Variants in BRCA2 observed in about 807,000 individuals in gnomAD.
BRCA2 encodes the protein BRCA2 DNA repair associated, also known as breast cancer type 2 susceptibility protein.
In BRCA2, 203 loss-of-function variants were observed where a neutral mutation model predicts 276.7. That is an observed-to-expected ratio of 0.73 (90% confidence interval 0.65 to 0.82). BRCA2 has a LOEUF of 0.82. Ranked by LOEUF, BRCA2 falls within the 40% of genes least tolerant of loss-of-function variation. The pLI is 0.00. For missense variants in BRCA2, 3,920 were observed against 3,915.0 expected (o/e 1.00, Z -0.03); for synonymous variants, 1,289 against 1,338.4 (o/e 0.96, Z 0.81).
At position 32,370,940 on chromosome 13, in the gene BRCA2, T is replaced by C. The variant is rs769557049; in HGVS notation, c.8488-16T>C. On this transcript the variant is annotated splice_polypyrimidine_tract_variant and intron_variant, in intron 19 of 26. Coordinates refer to ENST00000380152, the MANE Select transcript of BRCA2 (RefSeq NM_000059.4). Reference sequence around the variant, plus strand: ...ATATATGTGACTTTTTTGGTGTGTGTAACACATTATTACAGTGGATGGAGA... The same window carrying C: ...ATATATGTGACTTTTTTGGTGTGTGCAACACATTATTACAGTGGATGGAGA... 6.2e-7 allele frequency: 1 copy of C among 1,613,852 alleles called. No homozygotes were observed. Among genetic ancestry groups the C allele is most frequent in the African/African-American group, 1.3e-5 (1 of 74,916 alleles).
intron 24 of BRCA2, among the ~76,000 whole-genome samples, chr13:32,387,352 A>G (rs1403894177): frequency 6.6e-6 from 1 of 152,212 alleles, no homozygotes; most frequent in Admixed American, 6.5e-5. Context: ...TAACCTAGGA[A>G]TAACTGGCGG....
At chr13:32,344,727 C>T (rs971938860) in intron 12 of BRCA2, 74 bp downstream of exon 12, 3 of 1,034,936 alleles carry the variant, frequency 2.9e-6, no homozygotes, top group Non-Finnish European at 4.4e-6. Context: ...CTCAGGTGAT[C>T]CACCTGCCTC....
chr13:32,391,669 T>G (rs1467772697), intron 24 of BRCA2, among the ~76,000 whole-genome samples: 2 of 152,364 alleles, frequency 1.3e-5, no homozygotes, highest in East Asian at 3.9e-4. Context: ...ATTAAAAGCT[T>G]TGAAGAATTC....
chr13:32,337,866 C>G lies in BRCA2; in HGVS notation c.3511C>G (p.Pro1171Ala), dbSNP rs2137497389. 1 of 1,613,992 alleles carries G rather than the reference C, an allele frequency of 6.2e-7. No individual in the cohort carries two copies. The highest frequency in any genetic ancestry group is 8.5e-7 in the Non-Finnish European group (1 of 1,179,956). Residue 1171 changes from proline (P) to alanine (A), a missense_variant, in exon 11 of 27, where the codon CCA becomes GCA. Physicochemically the swap from Pro to Ala is conservative, Grantham distance 27. Coordinates refer to ENST00000380152, the MANE Select transcript of BRCA2 (RefSeq NM_000059.4). ...TGATCTTCATGTCATAATGAATGCC[C>G]CATCGATTGGTCAGGTAGACAGCAG... ...DADLHVIMNA[P>A]SIGQVDSSKQ...
chr13:32,340,010 C>T lies in BRCA2; in HGVS notation c.5655C>T (p.Cys1885=), dbSNP rs80358789. 8 of 1,612,522 alleles carry T rather than the reference C, an allele frequency of 5.0e-6. No homozygotes were observed. In the South Asian group the frequency reaches 7.7e-5, roughly 16 times the overall value. Residue 1885 remains cysteine (C), a synonymous_variant, in exon 11 of 27, where the codon TGC becomes TGT. Coordinates refer to ENST00000380152, the MANE Select transcript of BRCA2 (RefSeq NM_000059.4). ...ACAACGAGAATAAATCAAAAATTTG[C>T]CAAACGAAAATTATGGCAGGTTGTT... The part of the protein sequence containing the change: ...KENNENKSKI[C]QTKIMAGCYE...
chr13:32,372,411 A>G (rs1418839481), intron 20 of BRCA2, among the ~76,000 whole-genome samples: 2 of 152,226 alleles, frequency 1.3e-5, no homozygotes, highest in African/African-American at 4.8e-5. Context: ...ACAGTTCCAC[A>G]TGGCTGAGGA....
At chr13:32,319,921 A>G (rs1406475026) in intron 3 of BRCA2, among the ~76,000 whole-genome samples, 1 of 152,218 alleles carries the variant, frequency 6.6e-6, no homozygotes, top group Non-Finnish European at 1.5e-5. Flanking sequence ...AGAAAAATAT[A>G]AAAAAGTATA....
At chr13:32,396,806 CTT>C in intron 25 of BRCA2, 90 bp from the exon 26 acceptor site, 1 of 1,529,396 alleles carries the variant, frequency 6.5e-7, no homozygotes, top group South Asian at 1.1e-5. Context: ...TTGGTCCAAA[CTT>C]TTCATTTCTG....
chr13:32,378,014 A>G (rs767413213), intron 21 of BRCA2, among the ~76,000 whole-genome samples: 28 of 152,252 alleles, frequency 1.8e-4, no homozygotes, highest in Non-Finnish European at 3.2e-4. Flanking sequence ...GTCCGGTTTT[A>G]AAACCTGTGA....
rs276174863 is a variant in BRCA2, at chr13:32,340,084, A to T, written c.5729A>T (p.Asn1910Ile). The change falls in exon 11 of 27, where the codon AAT becomes ATT. Residue 1910 changes from asparagine (N) to isoleucine (I), a missense_variant. Transcript: ENST00000380152. ...GATATTCTTCATAACTCTCTAGATA[A>T]TGATGAATGTAGCACGCATTCACAT... is the stretch of plus-strand genomic sequence containing the variant. The part of the protein sequence containing the change: ...SEDILHNSLD[N>I]DECSTHSHKV... The T allele has an allele frequency of 5.0e-6, 8 of 1,613,844 alleles. No individual in the cohort carries two copies. In the Admixed American group the frequency reaches 5.0e-5, roughly 10 times the overall value.
chr13:32,332,080 T>G (rs2072395547), intron 9 of BRCA2, among the ~76,000 whole-genome samples, 192 bp from the exon 10 acceptor site: 1 of 152,096 alleles, frequency 6.6e-6, no homozygotes, highest in South Asian at 2.1e-4. Context: ...GAATCAGGCT[T>G]TACTAGAAGA....
At chr13:32,346,754 T>C (rs2072613203) in intron 12 of BRCA2, 73 bp from the exon 13 acceptor site, 1 of 1,228,800 alleles carries the variant, frequency 8.1e-7, no homozygotes, top group East Asian at 2.5e-5. Flanking sequence ...CTCAAATTTT[T>C]TGTGTATTTA....
At chr13:32,381,270 T>C (rs2072922856) in intron 24 of BRCA2, among the ~76,000 whole-genome samples, 1 of 152,144 alleles carries the variant, frequency 6.6e-6, no homozygotes. Context: ...CCTACCCTCA[T>C]AGAGCTTACA....
rs201664419 is a variant in BRCA2, at chr13:32,364,237, G to GT, written c.8331+713dup. On this transcript the variant is annotated intron_variant, in intron 18 of 26. Coordinates refer to ENST00000380152, the MANE Select transcript of BRCA2 (RefSeq NM_000059.4). ...CAGTGGCTTTCATTTTCTTGTTTTT[G>GT]TTTTTTTTTAAATCAAATCAATGCA... 5.9e-3 allele frequency among the ~76,000 whole-genome samples: 881 copies of GT among 150,010 alleles called. 12 individuals carry two copies. The highest frequency in any genetic ancestry group is 0.02 in the African/African-American group (820 of 40,834).
rs754836679 is a variant in BRCA2 at position 32,337,424 on chromosome 13, CATT to C, written c.3071_3073del (p.Ile1024del). 4.3e-6 allele frequency: 7 copies of C among 1,613,014 alleles called. No homozygotes were observed. Among genetic ancestry groups the C allele is most frequent in the Non-Finnish European group, 5.9e-6 (7 of 1,179,398 alleles). The stretch of plus-strand genomic sequence containing the variant: ...AGGAAATCAAGCTCTCTGAACATAA[CATT>C]AAGAAGAGCAAAATGTTCTTCAAAG... On this transcript the variant is annotated inframe_deletion, in exon 11 of 27. Transcript: ENST00000380152.
rs758549281 is a variant in BRCA2, at chr13:32,379,752, A to G, written c.8956A>G (p.Ile2986Val). 1 of 1,610,322 alleles carries G rather than the reference A, an allele frequency of 6.2e-7. No homozygotes were observed. The highest frequency in any genetic ancestry group is 8.5e-7 in the Non-Finnish European group (1 of 1,176,582). ...SYSKKEKDSV[I>V]LSIWRPSSDL... is the part of the protein sequence containing the mutation. ...CTTTCTCATCTTTCTCCAAACAGTT[A>G]TACTGAGTATTTGGCGTCCATCATC... The change falls in exon 23 of 27, where the codon ATA becomes GTA. Residue 2986 changes from isoleucine to valine, a missense_variant and splice_region_variant. By Grantham distance (29) the Ile-to-Val change is conservative. Transcript: ENST00000380152.
intron 4 of BRCA2, 142 bp from the exon 5 acceptor site, chr13:32,325,959 A>T: frequency 1.3e-6 from 1 of 754,240 alleles, no homozygotes; most frequent in Non-Finnish European, 2.1e-6. Context: ...TGAGAGATTT[A>T]CTTTTTAAAA....
chr13:32,373,732 G>A (rs920623810), intron 20 of BRCA2, among the ~76,000 whole-genome samples: 2 of 152,154 alleles, frequency 1.3e-5, no homozygotes, highest in African/African-American at 4.8e-5. Context: ...AGTGACAGCT[G>A]CACAGTGCAG....
rs1566226868 is a variant in BRCA2 at position 32,336,875 on chromosome 13, G to C, written c.2520G>C (p.Met840Ile). 1 of 1,610,610 alleles carries C rather than the reference G, an allele frequency of 6.2e-7. No homozygotes were observed. The highest frequency in any genetic ancestry group is 8.5e-7 in the Non-Finnish European group (1 of 1,179,230). The change falls in exon 11 of 27, where the codon ATG (methionine) becomes ATC (isoleucine). Residue 840 changes from methionine (M) to isoleucine (I), a missense_variant. Met to Ile is a conservative substitution (Grantham distance 10). Around this residue, in one of 2 missense-constraint regions of BRCA2, gnomAD observed 3,263 missense variants for 3,156.9 expected, o/e 1.03. Coordinates refer to ENST00000380152, the MANE Select transcript of BRCA2 (RefSeq NM_000059.4). ...NVELLPPEKYMRVASPSRKVQ... is the reference protein window; with the variant it reads ...NVELLPPEKYIRVASPSRKVQ... ...AGCTGTTGCCACCTGAAAAATACAT[G>C]AGAGTAGCATCACCTTCAAGAAAGG...
Sources: gnomAD v4.1 joint callset for allele counts (sites outside exome capture counted in the v4.1 genomes callset) on GRCh38, gnomAD v4.1.1 for gene constraint, gnomAD v4.1.1 regional missense constraint, MANE v1.5 for transcripts, NCBI Gene and HGNC (gene_info 2026-07-23, HGNC 2026-07-21) for gene names.